Variants in IL9R observed in about 807,000 individuals in gnomAD.
The protein encoded by IL9R is interleukin 9 receptor, also known as interleukin-9 receptor.
In IL9R, 54 loss-of-function variants were observed where a neutral mutation model predicts 56.3. The ratio of observed to expected loss-of-function variants is 0.96; its 90% CI spans 0.77 to 1.20. IL9R has a LOEUF of 1.20. Among genes scored for constraint, IL9R ranks in the 50% most tolerant of loss-of-function variants. The pLI, the probability that IL9R is intolerant of heterozygous loss-of-function variation, is 0.00. For missense variants in IL9R, 545 were observed against 629.8 expected (o/e 0.87, Z 1.44); for synonymous variants, 212 against 250.2 (o/e 0.85, Z 1.44).
chrX:156,010,368 C>A lies in IL9R; in HGVS notation c.1525C>A (p.Leu509Ile). The change falls in exon 9 of 9, where the codon CTC becomes ATC. Residue 509 changes from leucine to isoleucine, a missense_variant. Around this residue, in one of 2 missense-constraint regions of IL9R, gnomAD observed 114 missense variants for 269.8 expected, o/e 0.42. Coordinates refer to ENST00000244174, the MANE Select transcript of IL9R (RefSeq NM_002186.3). ...GCATGAGGACCTCCAGGGCATGTTG[C>A]TCCCTTCTGTCCTCAGCAAGGCTCG... is the stretch of plus-strand genomic sequence containing the variant. ...GLHEDLQGML[L>I]PSVLSKARSW... 1 of 554,538 alleles carries A rather than the reference C, an allele frequency of 1.8e-6. No individual in the cohort carries two copies. The highest frequency in any genetic ancestry group is 2.9e-6 in the Non-Finnish European group (1 of 348,670). The allele number at this position is 554,538 out of a possible 1,614,324, so 34.4% of individuals were successfully genotyped here.
chrX:156,003,929 G>A, intron 4 of IL9R, 74 bp downstream of exon 4: 1 of 1,493,054 alleles, frequency 6.7e-7, no homozygotes, highest in Non-Finnish European at 9.2e-7. Flanking sequence ...TTTGGAGCAG[G>A]GCCTTGCAGC....
In IL9R at chrX:156,005,579, C is replaced by T. The variant is rs781128148; in HGVS notation, c.781+100C>T. ...TGCACCCTTTCACCCTCCTGTAAGC[C>T]CCTCCCCGAGGCAGCCATGCCTCAG... is the stretch of plus-strand genomic sequence containing the variant. On this transcript the variant is annotated intron_variant, in intron 6 of 8. Coordinates refer to ENST00000244174, the MANE Select transcript of IL9R (RefSeq NM_002186.3). 9.7e-5 allele frequency: 98 copies of T among 1,014,398 alleles called. No individual in the cohort carries two copies. In the African/African-American group the frequency reaches 1.5e-3, roughly 15 times the overall value. The allele number at this position is 1,014,398 out of a possible 1,614,324, so 62.8% of individuals were successfully genotyped here. A position where few individuals can be genotyped will look rare whatever the true frequency, so the allele number is the denominator to read the frequency against.
chrX:155,999,869 A>G (rs3091261), intron 1 of IL9R, among the ~76,000 whole-genome samples: 126,828 of 152,084 alleles, frequency 0.83, 53,671 homozygotes, highest in East Asian at 1. Flanking sequence ...CTCATGCCTG[A>G]CATCCCAGCA....
chrX:156,003,990 G>T (rs1204697150), intron 4 of IL9R, 135 bp downstream of exon 4: 1 of 954,250 alleles, frequency 1.0e-6, no homozygotes, highest in Non-Finnish European at 1.6e-6. Flanking sequence ...GAGATCCAGG[G>T]CTGGGGGCAG....
At position 156,004,548 on chromosome X, in the gene IL9R, C is replaced by T. The variant is rs769962114; in HGVS notation, c.562C>T (p.Gln188Ter). Residue 188 changes from glutamine to a stop codon, truncating the protein, a stop_gained, in exon 5 of 9, where the codon CAG (glutamine) becomes TAG (stop). Transcript: ENST00000244174. LOFTEE classifies it high-confidence loss of function. ...CAGCTATGAGCTGGCCTTCAAGAAG[C>T]AGGAAGAGGCCTGGGAGGTAACACT... is the stretch of plus-strand genomic sequence containing the variant. ...LLSYELAFKK[Q>*]EEAWEQAQHR... 1 of 1,612,774 alleles carries T rather than the reference C, an allele frequency of 6.2e-7. No homozygotes were observed. Among genetic ancestry groups the T allele is most frequent in the South Asian group, 1.1e-5 (1 of 91,002 alleles).
intron 5 of IL9R, 130 bp from the exon 6 acceptor site, chrX:156,005,148 G>C (rs1255776231): frequency 1.4e-6 from 1 of 716,034 alleles, no homozygotes; most frequent in African/African-American, 1.7e-5. Flanking sequence ...AATGTGGTGA[G>C]TGTGTCTGTG....
At chrX:156,002,758 C>G in intron 1 of IL9R, 148 bp from the exon 2 acceptor site, 1 of 1,132,440 alleles carries the variant, frequency 8.8e-7, no homozygotes, top group Non-Finnish European at 1.3e-6. Context: ...TGGTCCAGGA[C>G]GCTGGACACT....
At chrX:156,000,145 A>AAATATAT (rs780163667) in intron 1 of IL9R, among the ~76,000 whole-genome samples, 2,406 of 144,094 alleles carry the variant, frequency 0.017, 86 homozygotes, top group East Asian at 0.16. Context: ...AAAAAAAAAA[A>AAATATAT]ATATATATAT....
At chrX:156,005,117 CTGTG>C (rs966124900) in intron 5 of IL9R, among the ~76,000 whole-genome samples, 157 bp from the exon 6 acceptor site, 1 of 151,236 alleles carries the variant, frequency 6.6e-6, no homozygotes, top group Non-Finnish European at 1.5e-5. Context: ...AGTGTGCCTT[CTGTG>C]TGTGTGTGTG....
Position 156,005,359 on chromosome X carries a change from G to A in IL9R, c.661G>A (p.Glu221Lys), listed in dbSNP as rs754110189. The change falls in exon 6 of 9, where the codon GAG (glutamate) becomes AAG (lysine). Residue 221 changes from glutamate to lysine, a missense_variant. Glu to Lys is a moderately conservative substitution (Grantham distance 56, BLOSUM62 1). Around this residue, in one of 2 missense-constraint regions of IL9R, gnomAD observed 431 missense variants for 360.0 expected, o/e 1.20. Coordinates refer to ENST00000244174, the MANE Select transcript of IL9R (RefSeq NM_002186.3). ...AFELDPGFIH[E>K]ARLRVQMATL... ...TGAGCTGGACCCTGGCTTTATCCAT[G>A]AGGCCAGGCTGCGTGTCCAGATGGC... is the stretch of plus-strand genomic sequence containing the variant. 4 of 1,612,718 alleles carry A rather than the reference G, an allele frequency of 2.5e-6. No individual in the cohort carries two copies. Among genetic ancestry groups the A allele is most frequent in the Admixed American group, 1.7e-5 (1 of 60,002 alleles).
At chrX:155,999,430 C>T (rs180789270) in intron 1 of IL9R, among the ~76,000 whole-genome samples, 2 of 152,234 alleles carry the variant, frequency 1.3e-5, no homozygotes, top group East Asian at 3.9e-4. Context: ...CCCACCCTGC[C>T]TTCCCTGCAC....
At chrX:156,003,424 G>T (rs1363909011) in intron 2 of IL9R, 25 bp from the exon 3 acceptor site, 1 of 1,535,332 alleles carries the variant, frequency 6.5e-7, no homozygotes, top group African/African-American at 1.4e-5. Flanking sequence ...ACTTACCGTG[G>T]GCTCCTGATG....
chrX:156,003,545 G>A lies in IL9R; in HGVS notation c.239G>A (p.Trp80Ter), dbSNP rs182426355. The change falls in exon 3 of 9, where the codon TGG becomes TAG. Residue 80 changes from tryptophan to a stop codon, truncating the protein, a stop_gained. Transcript: ENST00000244174. LOFTEE classifies it high-confidence loss of function. ...GAGCTGGGACAGGGCTCCAGCCCCT[G>A]GCTCCTCTTCACCAGGTGAGCATGG... is the stretch of plus-strand genomic sequence containing the variant. Reference protein sequence around the residue: ...APELGQGSSPWLLFTSNQAPG... With the variant: ...APELGQGSSP 6 of 1,612,884 alleles carry A rather than the reference G, an allele frequency of 3.7e-6. No homozygotes were observed. Among genetic ancestry groups the A allele is most frequent in the Non-Finnish European group, 4.2e-6 (5 of 1,179,308 alleles).
rs781571031 is a variant in IL9R at position 156,002,187 on chromosome X, C to CA, written c.29-706dup. Among the ~76,000 whole-genome samples the CA allele has an allele frequency of 2.5e-3, 363 of 143,702 alleles. 1 individual carries two copies. The highest frequency in any genetic ancestry group is 4.2e-3 in the South Asian group (19 of 4,542). The allele number at this position is 143,702 out of a possible 152,430, so 94.3% of individuals were successfully genotyped here. On this transcript the variant is annotated intron_variant, in intron 1 of 8. Transcript: ENST00000244174. ...TGAAACCCCGTCTCTACTAAAAATA[C>CA]AAAAAAAAAAAAATTAGCTGGGCAT...
chrX:156,001,565 C>T lies in IL9R; in HGVS notation c.29-1341C>T, dbSNP rs190969760. The T allele has an allele frequency of 8.5e-5, 105 of 1,237,234 alleles. No individual in the cohort carries two copies. The East Asian group carries it at 1.4e-3, about 17-fold the overall frequency. 76.6% of individuals were successfully genotyped at this position (1,237,234 alleles called of 1,614,324 possible). A position where few individuals can be genotyped will look rare whatever the true frequency, so the allele number is the denominator to read the frequency against. On this transcript the variant is annotated intron_variant, in intron 1 of 8. Transcript: ENST00000244174. ...GGACTGTCCTATGGGTACCTGTATA[C>T]GCTGCCGGGAGTGGGGCAGAGTGGG...
Position 156,003,718 on chromosome X carries a change from G to A in IL9R, c.296G>A (p.Gly99Asp). 1.9e-6 allele frequency: 3 copies of A among 1,613,698 alleles called. No homozygotes were observed. Among genetic ancestry groups the A allele is most frequent in the Non-Finnish European group, 2.5e-6 (3 of 1,179,720 alleles). ...PGGTHKCILRGSECTVVLPPE... is the reference protein window; with the variant it reads ...PGGTHKCILRDSECTVVLPPE... Reference sequence around the variant, plus strand: ...GGCACACATAAGTGCATCTTGCGGGGCAGTGAGTGCACCGTCGTGCTGCCA... The same window carrying A: ...GGCACACATAAGTGCATCTTGCGGGACAGTGAGTGCACCGTCGTGCTGCCA... Residue 99 changes from glycine to aspartate, a missense_variant, in exon 4 of 9, where the codon GGC becomes GAC. Transcript: ENST00000244174.
At position 156,002,729 on chromosome X, in the gene IL9R, A is replaced by C. The variant is rs1406276821; in HGVS notation, c.29-177A>C. On this transcript the variant is annotated intron_variant, in intron 1 of 8. Coordinates refer to ENST00000244174, the MANE Select transcript of IL9R (RefSeq NM_002186.3). ...ATGGCCTTTCTGAGCTCAGTTCCTT[A>C]TCAGTAAAGCCTGGACAGTGGTCCA... Among the ~76,000 whole-genome samples the C allele has an allele frequency of 2.0e-5, 3 of 152,136 alleles. No homozygotes were observed. The East Asian group carries it at 5.8e-4, about 29-fold the overall frequency.
intron 1 of IL9R, among the ~76,000 whole-genome samples, chrX:155,999,084 C>T (rs1029233357): frequency 3.3e-5 from 5 of 152,022 alleles, no homozygotes; most frequent in Admixed American, 2.6e-4. Context: ...GGGGTTCCGT[C>T]CAGCTAAGGA....
chrX:156,001,207 C>G (rs2067498289), intron 1 of IL9R: 1 of 622,138 alleles, frequency 1.6e-6, no homozygotes, highest in African/African-American at 1.8e-5. Flanking sequence ...CTGGGTTAGC[C>G]TGTGGCTGGC....
Sources: gnomAD v4.1 joint callset for allele counts (sites outside exome capture counted in the v4.1 genomes callset) on GRCh38, gnomAD v4.1.1 for gene constraint, gnomAD v4.1.1 regional missense constraint, MANE v1.5 for transcripts, NCBI Gene and HGNC (gene_info 2026-07-23, HGNC 2026-07-21) for gene names.